PPP2R5A: variants seen among roughly 807,000 people sequenced by gnomAD.
PPP2R5A encodes the protein protein phosphatase 2 regulatory subunit B'alpha, also known as serine/threonine-protein phosphatase 2A 56 kDa regulatory subunit alpha isoform.
PPP2R5A carries 25 observed loss-of-function variants against 64.2 expected under a neutral mutation model. The observed-to-expected ratio is 0.39, with a 90% CI of 0.28 to 0.54. The LOEUF (loss-of-function observed/expected upper bound fraction) is 0.54, where lower values mean the gene tolerates loss of function less well. Among genes scored for constraint, PPP2R5A ranks in the 20% least tolerant of loss-of-function variants. The pLI, the probability that PPP2R5A is intolerant of heterozygous loss-of-function variation, is 0.67. For missense variants in PPP2R5A, 425 were observed against 576.3 expected (o/e 0.74, Z 2.69); for synonymous variants, 198 against 201.2 (o/e 0.98, Z 0.13).
intron 1 of PPP2R5A, among the ~76,000 whole-genome samples, chr1:212,293,461 G>T (rs1176215325): frequency 1.3e-5 from 2 of 152,160 alleles, no homozygotes; most frequent in African/African-American, 4.8e-5. Flanking sequence ...ATGTAACAAG[G>T]AATCTAAATG....
At chr1:212,324,262 C>T (rs1659368132) in intron 1 of PPP2R5A, among the ~76,000 whole-genome samples, 1 of 152,130 alleles carries the variant, frequency 6.6e-6, no homozygotes, top group Non-Finnish European at 1.5e-5. Flanking sequence ...CAGCATGTTA[C>T]TGTTCTGAAT....
chr1:212,310,882 T>C (rs1321663619), intron 1 of PPP2R5A, among the ~76,000 whole-genome samples: 1 of 152,170 alleles, frequency 6.6e-6, no homozygotes, highest in Non-Finnish European at 1.5e-5. Flanking sequence ...CCTAAAGATG[T>C]CTGGGAGCTA....
At chr1:212,330,815 G>C (rs964815196) in intron 2 of PPP2R5A, among the ~76,000 whole-genome samples, 1 of 151,904 alleles carries the variant, frequency 6.6e-6, no homozygotes. Flanking sequence ...TTTGATTGTT[G>C]GGTTTGTTTT....
chr1:212,299,957 C>T (rs558371781), intron 1 of PPP2R5A, among the ~76,000 whole-genome samples: 19 of 152,108 alleles, frequency 1.2e-4, no homozygotes, highest in African/African-American at 4.3e-4. Context: ...GGATTATAGG[C>T]TCCCGCCACC....
At chr1:212,305,559 G>C (rs1219107173) in intron 1 of PPP2R5A, among the ~76,000 whole-genome samples, 2 of 152,058 alleles carry the variant, frequency 1.3e-5, no homozygotes, top group Non-Finnish European at 2.9e-5. Flanking sequence ...CACCTCTTAG[G>C]TGTGGTTGGT....
intron 12 of PPP2R5A, 121 bp from the exon 13 acceptor site, chr1:212,360,517 T>C (rs1406934031): frequency 2.3e-6 from 2 of 876,372 alleles, no homozygotes; most frequent in African/African-American, 3.4e-5. Flanking sequence ...CTCCAAAGCT[T>C]TAGCAGAGGG....
chr1:212,335,837 T>G (rs1659585526), intron 3 of PPP2R5A, among the ~76,000 whole-genome samples: 1 of 152,220 alleles, frequency 6.6e-6, no homozygotes, highest in Admixed American at 6.5e-5. Flanking sequence ...AAGCTGATAA[T>G]GAAAAATTCT....
chr1:212,345,149 A>C (rs1336568177), intron 4 of PPP2R5A, among the ~76,000 whole-genome samples: 1 of 73,156 alleles, frequency 1.4e-5, no homozygotes, highest in African/African-American at 7.7e-5. Context: ...TAGGCTACAG[A>C]GCAAGACTGT....
chr1:212,327,549 G>A (rs1227340813), intron 1 of PPP2R5A, among the ~76,000 whole-genome samples: 2 of 151,984 alleles, frequency 1.3e-5, no homozygotes, highest in Non-Finnish European at 2.9e-5. Flanking sequence ...CCAGTAGCTG[G>A]GATTACAGGC....
chr1:212,353,034 C>A, intron 8 of PPP2R5A: 1 of 482,238 alleles, frequency 2.1e-6, no homozygotes, highest in South Asian at 1.5e-5. Context: ...GGGCCCTCTG[C>A]TCAGGGTCTC....
chr1:212,309,155 C>T lies in PPP2R5A; in HGVS notation c.182-19980C>T, dbSNP rs1658977272. The T allele has an allele frequency of 4.8e-6, 6 of 1,245,736 alleles. No individual in the cohort carries two copies. The South Asian group carries it at 7.2e-5, about 15-fold the overall frequency. 77.2% of individuals were successfully genotyped at this position (1,245,736 alleles called of 1,614,324 possible). ...GGCCGAATCAGGGTGTTGACCTTGGCCACATTGGTGTCATAGAGCTTCTTC... is the reference window on the plus strand; with the variant it reads ...GGCCGAATCAGGGTGTTGACCTTGGTCACATTGGTGTCATAGAGCTTCTTC... On this transcript the variant is annotated intron_variant, in intron 1 of 12. Coordinates refer to ENST00000261461, the MANE Select transcript of PPP2R5A (RefSeq NM_006243.4).
At chr1:212,296,829 C>T (rs1658699197) in intron 1 of PPP2R5A, among the ~76,000 whole-genome samples, 1 of 152,136 alleles carries the variant, frequency 6.6e-6, no homozygotes, top group Non-Finnish European at 1.5e-5. Context: ...TGATTTATAA[C>T]TGAGTAATGT....
At chr1:212,322,555 T>C (rs1659327106) in intron 1 of PPP2R5A, among the ~76,000 whole-genome samples, 1 of 152,152 alleles carries the variant, frequency 6.6e-6, no homozygotes, top group East Asian at 1.9e-4. Flanking sequence ...TATATAAAAA[T>C]GTTGCATGTC....
Position 212,342,372 on chromosome 1 carries a change from T to A in PPP2R5A, c.573+92T>A, listed in dbSNP as rs1475769917. On this transcript the variant is annotated intron_variant, in intron 4 of 12. Transcript: ENST00000261461. ...AAAATAGTGTAGTCTTTCAAAACTT[T>A]AATGGTTTAATTTGACAGCACTTAA... 12 of 1,442,434 alleles carry A rather than the reference T, an allele frequency of 8.3e-6. No individual in the cohort carries two copies. In the East Asian group the frequency reaches 3.0e-4, roughly 36 times the overall value. The allele number at this position is 1,442,434 out of a possible 1,614,324, so 89.4% of individuals were successfully genotyped here. A position where few individuals can be genotyped will look rare whatever the true frequency, so the allele number is the denominator to read the frequency against.
intron 3 of PPP2R5A, among the ~76,000 whole-genome samples, chr1:212,338,546 TGGATCATGAGGTCAGAA>T (rs922868755): frequency 2.6e-5 from 4 of 151,878 alleles, no homozygotes; most frequent in Admixed American, 1.3e-4. Flanking sequence ...CTGAGGCAGG[TGGATCATGAGGTCAGAA>T]GGATCATGAG....
intron 4 of PPP2R5A, 43 bp downstream of exon 4, chr1:212,342,323 G>C (rs753571645): frequency 6.3e-7 from 1 of 1,585,114 alleles, no homozygotes; most frequent in Non-Finnish European, 8.6e-7. Flanking sequence ...ATTCATCTTA[G>C]CAATGATTTA....
intron 8 of PPP2R5A, among the ~76,000 whole-genome samples, chr1:212,352,315 C>T (rs1659900488): frequency 6.6e-6 from 1 of 150,960 alleles, no homozygotes. Context: ...AGTTGTAAGC[C>T]ACTGCACCTG....
chr1:212,295,516 A>T (rs1454393225), intron 1 of PPP2R5A, among the ~76,000 whole-genome samples: 2 of 152,186 alleles, frequency 1.3e-5, no homozygotes, highest in Non-Finnish European at 2.9e-5. Flanking sequence ...TGGCATTTGG[A>T]GCAATGGAAG....
chr1:212,357,330 T>TA (rs1491059579), intron 11 of PPP2R5A, 46 bp downstream of exon 11: 8 of 1,396,686 alleles, frequency 5.7e-6, no homozygotes, highest in Middle Eastern at 2.5e-4. Context: ...TTTTTTTTTT[T>TA]ATATCTTTTT....
Sources: gnomAD v4.1 joint callset for allele counts (sites outside exome capture counted in the v4.1 genomes callset) on GRCh38, gnomAD v4.1.1 for gene constraint, MANE v1.5 for transcripts, NCBI Gene and HGNC (gene_info 2026-07-23, HGNC 2026-07-21) for gene names.